The following C6orf132 variants were observed in gnomAD, a reference collection of about 807,000 sequenced individuals.
C6orf132 encodes the protein uncharacterized protein C6orf132.
A neutral mutation model predicts 65.3 loss-of-function variants in C6orf132; 43 were observed. That is an observed-to-expected ratio of 0.66 (90% confidence interval 0.52 to 0.85). C6orf132 has a LOEUF of 0.85. Among genes scored for constraint, C6orf132 ranks in the 40% least tolerant of loss-of-function variants. C6orf132 has a pLI of 0.00. For missense variants in C6orf132, 1,488 were observed against 1,548.8 expected (o/e 0.96, Z 0.66); for synonymous variants, 631 against 654.1 (o/e 0.96, Z 0.54).
At chr6:42,119,484 A>C (rs1234363486) in intron 2 of C6orf132, among the ~76,000 whole-genome samples, 1 of 150,518 alleles carries the variant, frequency 6.6e-6, no homozygotes, top group Non-Finnish European at 1.5e-5. Context: ...AGCTGGGACC[A>C]CAGGCGCGTA....
chr6:42,128,133 A>C (rs539760778), intron 2 of C6orf132, among the ~76,000 whole-genome samples: 1 of 151,144 alleles, frequency 6.6e-6, no homozygotes, highest in Admixed American at 6.6e-5. Flanking sequence ...TCACCGTGTT[A>C]GCCAGGATGG....
chr6:42,123,393 A>C (rs542173393), intron 2 of C6orf132, among the ~76,000 whole-genome samples: 3 of 151,620 alleles, frequency 2.0e-5, no homozygotes, highest in South Asian at 2.1e-4. Context: ...AAAAAAAAAA[A>C]CAAAACAACG....
chr6:42,105,408 C>G lies in C6orf132; in HGVS notation c.2504G>C (p.Arg835Pro). 1 of 1,535,540 alleles carries G rather than the reference C, an allele frequency of 6.5e-7. No homozygotes were observed. Among genetic ancestry groups the G allele is most frequent in the South Asian group, 1.2e-5 (1 of 84,046 alleles). Residue 835 changes from arginine to proline, a missense_variant, in exon 4 of 5, where the codon CGG (arginine) becomes CCG (proline). Coordinates refer to ENST00000341865, the MANE Select transcript of C6orf132 (RefSeq NM_001164446.3). Reference sequence around the variant, plus strand: ...CAGGAGCAGGGCCATCGGCGAGCCCCGCTCCACCACCTCCCCAGTCACCGG... The same window carrying G: ...CAGGAGCAGGGCCATCGGCGAGCCCGGCTCCACCACCTCCCCAGTCACCGG... Reference protein sequence around the residue: ...RHPVTGEVVERGSPMALLLAA... With the variant: ...RHPVTGEVVEPGSPMALLLAA...
chr6:42,120,118 A>AG (rs940554274), intron 2 of C6orf132, among the ~76,000 whole-genome samples: 1 of 152,068 alleles, frequency 6.6e-6, no homozygotes, highest in African/African-American at 2.4e-5. Flanking sequence ...AAAACAAAAA[A>AG]AACCCATCAT....
chr6:42,132,858 A>G (rs1582284279), intron 1 of C6orf132, among the ~76,000 whole-genome samples: 2 of 145,720 alleles, frequency 1.4e-5, no homozygotes, highest in African/African-American at 5.2e-5. Flanking sequence ...CTCTGTCTCA[A>G]AAAAAAAAAA....
At chr6:42,132,281 C>T (rs896755139) in intron 1 of C6orf132, among the ~76,000 whole-genome samples, 22 of 151,764 alleles carry the variant, frequency 1.4e-4, no homozygotes, top group Middle Eastern at 3.4e-3. Flanking sequence ...TTTGGGAGGC[C>T]GAGGCGGGCG....
chr6:42,123,591 AGAAG>A (rs1766723874), intron 2 of C6orf132, among the ~76,000 whole-genome samples: 1 of 149,850 alleles, frequency 6.7e-6, no homozygotes, highest in African/African-American at 2.5e-5. Context: ...AGAAAGAAGA[AGAAG>A]AAAGAAGGAA....
chr6:42,106,672 C>T lies in C6orf132; in HGVS notation c.1240G>A (p.Ala414Thr), dbSNP rs1164451390. 2 of 1,172,482 alleles carry T rather than the reference C, an allele frequency of 1.7e-6. No homozygotes were observed. Among genetic ancestry groups the T allele is most frequent in the East Asian group, 9.6e-5 (2 of 20,740 alleles). The allele number at this position is 1,172,482 out of a possible 1,614,324, so 72.6% of individuals were successfully genotyped here. A position where few individuals can be genotyped will look rare whatever the true frequency, so the allele number is the denominator to read the frequency against. ...PPPAPPLPPAAPPLPCAQKAA... is the reference protein window; with the variant it reads ...PPPAPPLPPATPPLPCAQKAA... ...TTCTGAGCACAGGGCAAAGGAGGTG[C>T]AGCTGGGGGAAGTGGGGGTGCTGGG... The change falls in exon 4 of 5, where the codon GCA (alanine) becomes ACA (threonine). Residue 414 changes from alanine (A) to threonine (T), a missense_variant. Coordinates refer to ENST00000341865, the MANE Select transcript of C6orf132 (RefSeq NM_001164446.3).
rs1304289539 is a variant in C6orf132, at chr6:42,106,128, A to G, written c.1784T>C (p.Leu595Pro). The G allele has an allele frequency of 1.9e-5, 29 of 1,537,086 alleles. No individual in the cohort carries two copies. The highest frequency in any genetic ancestry group is 2.4e-5 in the Non-Finnish European group (28 of 1,146,896). Reference protein sequence around the residue: ...SIGSLPPKPRLEGGRICENGA... With the variant: ...SIGSLPPKPRPEGGRICENGA... ...GTTTTCACAAATTCTTCCCCCTTCTAGCCGAGGCTTAGGGGGCAGAGATCC... is the reference window on the plus strand; with the variant it reads ...GTTTTCACAAATTCTTCCCCCTTCTGGCCGAGGCTTAGGGGGCAGAGATCC... The change falls in exon 4 of 5, where the codon CTA becomes CCA. Residue 595 changes from leucine to proline, a missense_variant. Transcript: ENST00000341865.
chr6:42,131,311 C>T (rs756676626), intron 1 of C6orf132, among the ~76,000 whole-genome samples: 5 of 152,222 alleles, frequency 3.3e-5, no homozygotes, highest in East Asian at 3.8e-4. Flanking sequence ...GTGTACCACG[C>T]GCCCAGCCTA....
intron 1 of C6orf132, among the ~76,000 whole-genome samples, chr6:42,134,086 T>C (rs1252507247): frequency 6.6e-6 from 1 of 151,946 alleles, no homozygotes; most frequent in East Asian, 1.9e-4. Flanking sequence ...GAGGAGACCA[T>C]GGCTGAGGTT....
intron 2 of C6orf132, among the ~76,000 whole-genome samples, chr6:42,111,027 G>A (rs1201404942): frequency 6.6e-6 from 1 of 152,188 alleles, no homozygotes; most frequent in Non-Finnish European, 1.5e-5. Flanking sequence ...CTCCATGGAG[G>A]TCCACAGGTG....
intron 1 of C6orf132, among the ~76,000 whole-genome samples, chr6:42,141,773 A>T (rs1462224188): frequency 6.6e-6 from 1 of 152,128 alleles, no homozygotes; most frequent in East Asian, 1.9e-4. Flanking sequence ...GGCCTCACCT[A>T]GCCAGAGCCA....
Position 42,106,813 on chromosome 6 carries a change from T to G in C6orf132, c.1099A>C (p.Lys367Gln). 7.8e-6 allele frequency: 12 copies of G among 1,534,974 alleles called. No homozygotes were observed. Among genetic ancestry groups the G allele is most frequent in the Non-Finnish European group, 1.0e-5 (12 of 1,146,682 alleles). ...APEPDCPGELKATAPASPRLG... is the reference protein window; with the variant it reads ...APEPDCPGELQATAPASPRLG... ...CTTGGGCTGGCTGGTGCTGTGGCCT[T>G]GAGCTCCCCAGGGCAGTCTGGCTCG... Residue 367 changes from lysine (K) to glutamine (Q), a missense_variant, in exon 4 of 5, where the codon AAG (lysine) becomes CAG (glutamine). Physicochemically the swap from Lys to Gln is moderately conservative, Grantham distance 53. Coordinates refer to ENST00000341865, the MANE Select transcript of C6orf132 (RefSeq NM_001164446.3).
In C6orf132 at chr6:42,107,545, T is replaced by TG. The variant is rs761085091; in HGVS notation, c.366dup (p.Ser123GlnfsTer5). ...CCAGGCCTCAGGTCACCCACAGAGC[T>TG]GTACAGTCGGAGGTTGCCATTGACT... On this transcript the variant is annotated frameshift_variant, in exon 4 of 5. Coordinates refer to ENST00000341865, the MANE Select transcript of C6orf132 (RefSeq NM_001164446.3). LOFTEE classifies it high-confidence loss of function. 1.6e-5 allele frequency: 25 copies of TG among 1,550,562 alleles called. No individual in the cohort carries two copies. The highest frequency in any genetic ancestry group is 1.5e-4 in the South Asian group (13 of 84,060).
intron 1 of C6orf132, among the ~76,000 whole-genome samples, chr6:42,132,251 CACACCTGTAA>C (rs1766865049): frequency 6.6e-6 from 1 of 152,150 alleles, no homozygotes; most frequent in Non-Finnish European, 1.5e-5. Context: ...TGCGGGGGCT[CACACCTGTAA>C]TCCCAGCACT....
rs1401352211 is a variant in C6orf132, at chr6:42,107,151, C to A, written c.761G>T (p.Gly254Val). The change falls in exon 4 of 5, where the codon GGT becomes GTT. Residue 254 changes from glycine to valine, a missense_variant. Physicochemically the swap from Gly to Val is moderately radical, Grantham distance 109. Coordinates refer to ENST00000341865, the MANE Select transcript of C6orf132 (RefSeq NM_001164446.3). ...TACATCTGATTTCCACTTGGTGACACCCCCAGGGGGAAAGAGACGAGTCCC... is the reference window on the plus strand; with the variant it reads ...TACATCTGATTTCCACTTGGTGACAACCCCAGGGGGAAAGAGACGAGTCCC... ...TVGTRLFPPG[G>V]VTKWKSDVAL... is the part of the protein sequence containing the mutation. The A allele has an allele frequency of 6.3e-6, 9 of 1,432,702 alleles. No individual in the cohort carries two copies. Among genetic ancestry groups the A allele is most frequent in the South Asian group, 6.0e-5 (4 of 67,064 alleles). The allele number at this position is 1,432,702 out of a possible 1,614,324, so 88.7% of individuals were successfully genotyped here. A position where few individuals can be genotyped will look rare whatever the true frequency, so the allele number is the denominator to read the frequency against.
chr6:42,111,452 T>A (rs1766494175), intron 2 of C6orf132, among the ~76,000 whole-genome samples: 1 of 151,918 alleles, frequency 6.6e-6, no homozygotes. Context: ...CCAGCTAATT[T>A]TTTGTATTTT....
chr6:42,104,777 G>A lies in C6orf132; in HGVS notation c.3135C>T (p.Tyr1045=), dbSNP rs908078988. ...GFSRFPAGAR[Y]AGAGGLERFS... ...AGCGCTCCAGGCCCCCAGCCCCGGC[G>A]TAGCGCGCGCCCGCGGGAAAGCGCG... Residue 1045 remains tyrosine (Y), a synonymous_variant, in exon 4 of 5, where the codon TAC becomes TAT. Coordinates refer to ENST00000341865, the MANE Select transcript of C6orf132 (RefSeq NM_001164446.3). The surrounding 1 kb of genome is among the most constrained non-coding windows in gnomAD (Gnocchi z 4.1). The A allele has an allele frequency of 2.7e-6, 4 of 1,506,418 alleles. No homozygotes were observed. The highest frequency in any genetic ancestry group is 2.0e-4 in the Middle Eastern group (1 of 5,016). The allele number at this position is 1,506,418 out of a possible 1,614,324, so 93.3% of individuals were successfully genotyped here.
Sources: allele counts gnomAD v4.1 joint callset (sites outside exome capture counted in the v4.1 genomes callset), GRCh38; gene constraint gnomAD v4.1.1; non-coding constraint Gnocchi (gnomAD v3.1); transcripts MANE v1.5; gene names NCBI Gene and HGNC (gene_info 2026-07-23, HGNC 2026-07-21).